The following GCNT1 variants were observed in gnomAD, a reference collection of about 807,000 sequenced individuals.
GCNT1 encodes the protein glucosaminyl (N-acetyl) transferase 1, also known as beta-1,3-galactosyl-O-glycosyl-glycoprotein beta-1,6-N-acetylglucosaminyltransferase.
GCNT1 carries 16 observed loss-of-function variants against 26.2 expected under a neutral mutation model. The ratio of observed to expected loss-of-function variants is 0.61; its 90% CI spans 0.41 to 0.93. The LOEUF (loss-of-function observed/expected upper bound fraction) is 0.93, where lower values mean the gene tolerates loss of function less well. Among genes scored for constraint, GCNT1 ranks in the 40% least tolerant of loss-of-function variants. The pLI is 0.00. For synonymous variants in GCNT1, 183 were observed against 190.8 expected (o/e 0.96, Z 0.34); for missense variants, 477 against 526.7 (o/e 0.91, Z 0.92).
chr9:76,443,930 A>AAAGGAAGGAAGGAAGGAAGGAAGGAAGG (rs201262371), intron 1 of GCNT1, among the ~76,000 whole-genome samples: 1 of 78,024 alleles, frequency 1.3e-5, no homozygotes, highest in Non-Finnish European at 2.7e-5. Context: ...AGAAAGGAAG[A>AAAGGAAGGAAGGAAGGAAGGAAGGAAGG]AAGGAAGGAA....
chr9:76,447,974 C>T (rs1823605036), intron 1 of GCNT1, among the ~76,000 whole-genome samples: 1 of 152,134 alleles, frequency 6.6e-6, no homozygotes, highest in East Asian at 1.9e-4. Context: ...CTGTGCCAGC[C>T]GTCTTTGTCC....
At chr9:76,441,416 G>A (rs893663996), upstream of GCNT1, among the ~76,000 whole-genome samples, 13 of 152,128 alleles carry the variant, frequency 8.5e-5, no homozygotes, top group African/African-American at 2.9e-4. Flanking sequence ...AAAGTGCTGG[G>A]ATTACAGGCA....
At chr9:76,474,389 G>A (rs966767610) in intron 2 of GCNT1, among the ~76,000 whole-genome samples, 1 of 152,110 alleles carries the variant, frequency 6.6e-6, no homozygotes, top group East Asian at 1.9e-4. Flanking sequence ...GAATTCCAAG[G>A]AAGTCCTTTA....
At chr9:76,426,901 G>A (rs1417658879) in intron 1 of GCNT1, among the ~76,000 whole-genome samples, 2 of 152,112 alleles carry the variant, frequency 1.3e-5, no homozygotes, top group Non-Finnish European at 2.9e-5. Flanking sequence ...ACAAGAGTGA[G>A]ACTCCATCTA....
At chr9:76,482,671 G>T (rs1306356855) in intron 2 of GCNT1, among the ~76,000 whole-genome samples, 2 of 151,938 alleles carry the variant, frequency 1.3e-5, no homozygotes, top group African/African-American at 2.4e-5. Flanking sequence ...TTGAGACAGG[G>T]TCTTGCTCTC....
At position 76,503,301 on chromosome 9, in the gene GCNT1, A is replaced by C; in HGVS notation, c.920A>C (p.Lys307Thr). Residue 307 changes from lysine (K) to threonine (T), a missense_variant, in exon 4 of 4, where the codon AAG becomes ACG. By Grantham distance (78) the Lys-to-Thr change is moderately conservative (BLOSUM62 -1). Transcript: ENST00000376730. ...GYVLQNEKIQ[K>T]LMEWAQDTYS... ...GTACTACAGAATGAAAAAATCCAAA[A>C]GTTGATGGAGTGGGCACAAGACACA... is the stretch of plus-strand genomic sequence containing the variant. The C allele has an allele frequency of 6.2e-7, 1 of 1,614,110 alleles. No individual in the cohort carries two copies. The highest frequency in any genetic ancestry group is 8.5e-7 in the Non-Finnish European group (1 of 1,180,004).
upstream of GCNT1, among the ~76,000 whole-genome samples, chr9:76,437,928 T>C (rs1350790200): frequency 1.3e-5 from 2 of 152,268 alleles, no homozygotes; most frequent in Non-Finnish European, 2.9e-5. Context: ...AAATGATCTT[T>C]TGATTGTATC....
chr9:76,502,709 A>G lies in GCNT1; in HGVS notation c.328A>G (p.Ile110Val), dbSNP rs1038501378. ...TTCTTTCATCAAGAGACGCAAATAT[A>G]TTGTAGAACCCCTTAGTAAAGAAGA... ...CSSFIKRRKY[I>V]VEPLSKEEAE... Residue 110 changes from isoleucine (I) to valine (V), a missense_variant, in exon 4 of 4, where the codon ATT becomes GTT. Coordinates refer to ENST00000376730, the MANE Select transcript of GCNT1 (RefSeq NM_001490.5). 2 of 1,614,118 alleles carry G rather than the reference A, an allele frequency of 1.2e-6. No homozygotes were observed. The highest frequency in any genetic ancestry group is 1.7e-6 in the Non-Finnish European group (2 of 1,179,952).
At chr9:76,466,772 G>A (rs988346425) in intron 2 of GCNT1, among the ~76,000 whole-genome samples, 4 of 152,216 alleles carry the variant, frequency 2.6e-5, no homozygotes, top group African/African-American at 4.8e-5. Context: ...GTCCAGAATC[G>A]TGAGGACTTT....
intron 1 of GCNT1, among the ~76,000 whole-genome samples, chr9:76,450,519 A>G (rs1260234711): frequency 6.6e-6 from 1 of 152,236 alleles, no homozygotes; most frequent in Non-Finnish European, 1.5e-5. Context: ...AGAAATCTCT[A>G]CAACAGAGAG....
the GCNT1 span, among the ~76,000 whole-genome samples, chr9:76,397,553 C>A: frequency 6.6e-6 from 1 of 151,908 alleles, no homozygotes; most frequent in Admixed American, 6.6e-5. Flanking sequence ...AAGTGATTCT[C>A]CTGCCTCAGC....
chr9:76,471,495 A>G (rs1824131016), intron 2 of GCNT1, among the ~76,000 whole-genome samples: 1 of 152,206 alleles, frequency 6.6e-6, no homozygotes, highest in Non-Finnish European at 1.5e-5. Flanking sequence ...CCGTGCATGT[A>G]TGTCTCACTG....
upstream of GCNT1, among the ~76,000 whole-genome samples, chr9:76,439,035 A>G (rs965966637): frequency 3.9e-5 from 6 of 152,112 alleles, no homozygotes; most frequent in Non-Finnish European, 7.3e-5. Flanking sequence ...TAACATTTCA[A>G]AGAACAGACC....
At chr9:76,477,572 T>G (rs2131611285) in intron 2 of GCNT1, among the ~76,000 whole-genome samples, 1 of 151,964 alleles carries the variant, frequency 6.6e-6, no homozygotes, top group African/African-American at 2.4e-5. Context: ...TCTCATTCAC[T>G]TACCTGCTCT....
In GCNT1 at chr9:76,477,797, C is replaced by A. The variant is rs147517571; in HGVS notation, c.-290+17620C>A. On this transcript the variant is annotated intron_variant, in intron 2 of 3. Transcript: ENST00000376730. ...AAACAGTAGCTCCCCATTCTTCCCTCCCCCAGCTCTGGAAACAACCATGCT... is the reference window on the plus strand; with the variant it reads ...AAACAGTAGCTCCCCATTCTTCCCTACCCCAGCTCTGGAAACAACCATGCT... Among the ~76,000 whole-genome samples the A allele has an allele frequency of 3.9e-5, 6 of 152,314 alleles. No homozygotes were observed. In the East Asian group the frequency reaches 5.8e-4, roughly 15 times the overall value.
chr9:76,399,903 A>C, the GCNT1 span, among the ~76,000 whole-genome samples: 1 of 152,236 alleles, frequency 6.6e-6, no homozygotes, highest in Non-Finnish European at 1.5e-5. Context: ...TGCTAAAAAG[A>C]AATGAGCTAT....
chr9:76,491,488 C>G (rs764143919), intron 2 of GCNT1, among the ~76,000 whole-genome samples: 2 of 151,258 alleles, frequency 1.3e-5, no homozygotes, highest in Non-Finnish European at 2.9e-5. Flanking sequence ...AGCATACTTG[C>G]TATCTGTATA....
intron 2 of GCNT1, among the ~76,000 whole-genome samples, chr9:76,467,992 C>T (rs1371355007): frequency 2.0e-5 from 3 of 148,056 alleles, no homozygotes; most frequent in Non-Finnish European, 4.5e-5. Context: ...CTGTAACCTC[C>T]ACCTCCCAGG....
chr9:76,434,342 G>A (rs1288724271), intron 1 of GCNT1, among the ~76,000 whole-genome samples: 2 of 152,184 alleles, frequency 1.3e-5, no homozygotes, highest in African/African-American at 4.8e-5. Flanking sequence ...ACTATTGTGG[G>A]AAGTCAGGGA....
Sources: gnomAD v4.1 joint callset for allele counts (sites outside exome capture counted in the v4.1 genomes callset) on GRCh38, gnomAD v4.1.1 for gene constraint, MANE v1.5 for transcripts, NCBI Gene and HGNC (gene_info 2026-07-23, HGNC 2026-07-21) for gene names.